INO80: variants seen among roughly 807,000 people sequenced by gnomAD.
The protein encoded by INO80 is INO80 complex ATPase subunit.
INO80 carries 20 observed loss-of-function variants against 203.4 expected under a neutral mutation model. The observed-to-expected ratio is 0.10, with a 90% CI of 0.07 to 0.14. The LOEUF (loss-of-function observed/expected upper bound fraction) is 0.14, where lower values mean the gene tolerates loss of function less well. Ranked by LOEUF, INO80 falls within the 10% of genes least tolerant of loss-of-function variation. INO80 has a pLI of 1.00. For synonymous variants in INO80, 726 were observed against 685.2 expected (o/e 1.06, Z -0.93); for missense variants, 1,419 against 1,914.4 (o/e 0.74, Z 4.83).
At chr15:41,064,190 C>A (rs2045168196) in intron 14 of INO80, among the ~76,000 whole-genome samples, 2 of 152,192 alleles carry the variant, frequency 1.3e-5, no homozygotes, top group Admixed American at 1.3e-4. Flanking sequence ...GGGCAGAATA[C>A]CTATAATTTT....
chr15:41,005,232 C>T (rs2044023643), intron 28 of INO80: 1 of 152,100 alleles, frequency 6.6e-6, no homozygotes, highest in Non-Finnish European at 1.4e-5. Context: ...GAAATGGCTA[C>T]TGTAAGCAAT....
chr15:41,043,425 A>T (rs1216480335), intron 24 of INO80, among the ~76,000 whole-genome samples: 1 of 152,194 alleles, frequency 6.6e-6, no homozygotes, highest in Non-Finnish European at 1.5e-5. Context: ...CACCACTGAC[A>T]GCATTACTCC....
rs1261698256 is a variant in INO80 at position 41,116,173 on chromosome 15, G to A, written c.-244C>T. 1 of 407,866 alleles carries A rather than the reference G, an allele frequency of 2.5e-6. No homozygotes were observed. Among genetic ancestry groups the A allele is most frequent in the Admixed American group, 4.4e-5 (1 of 22,780 alleles). 25.3% of individuals were successfully genotyped at this position (407,866 alleles called of 1,614,324 possible). On this transcript the variant is annotated 5_prime_UTR_variant, in exon 1 of 36. Transcript: ENST00000648947. ...GGGACCCCAAGATGGCGGCGGCGCTGAGGCGGCTGCGGGCGCTGGGCCGGC... is the reference window on the plus strand; with the variant it reads ...GGGACCCCAAGATGGCGGCGGCGCTAAGGCGGCTGCGGGCGCTGGGCCGGC...
rs746371828 is a variant in INO80 at position 40,982,914 on chromosome 15, A to C, written c.4401T>G (p.Ala1467=). 6 of 1,613,940 alleles carry C rather than the reference A, an allele frequency of 3.7e-6. No individual in the cohort carries two copies. Among genetic ancestry groups the C allele is most frequent in the Non-Finnish European group, 5.1e-6 (6 of 1,180,046 alleles). The change falls in exon 35 of 36, where the codon GCT becomes GCG. Residue 1467 remains alanine, a synonymous_variant. Coordinates refer to ENST00000648947, the MANE Select transcript of INO80 (RefSeq NM_017553.3). ...AAAMAGAKAG[A]AAASAAAYAA... is the part of the protein sequence containing the mutation. ...CATAGGCAGCTGCAGAGGCCGCTGC[A>C]GCCCCGGCTTTGGCTCCTGCCATTG... is the stretch of plus-strand genomic sequence containing the variant.
At position 41,038,837 on chromosome 15, in the gene INO80, G is replaced by A. The variant is rs182717033; in HGVS notation, c.2907+6067C>T. Among the ~76,000 whole-genome samples, 6 of 152,258 alleles carry A rather than the reference G, an allele frequency of 3.9e-5. No individual in the cohort carries two copies. In the East Asian group the frequency reaches 9.6e-4, roughly 24 times the overall value. ...AATACAAATAACAAAGATCCCAACT[G>A]GTTTGATATAATGACTCTGGTAATT... On this transcript the variant is annotated intron_variant, in intron 24 of 35. Transcript: ENST00000648947.
At chr15:40,999,997 C>T (rs1024829652) in intron 28 of INO80, among the ~76,000 whole-genome samples, 1 of 152,118 alleles carries the variant, frequency 6.6e-6, no homozygotes, top group Non-Finnish European at 1.5e-5. Flanking sequence ...ACCTGGGAGG[C>T]TGAGGCAGCA....
At chr15:41,063,559 A>G (rs987248772) in intron 14 of INO80, among the ~76,000 whole-genome samples, 3 of 152,118 alleles carry the variant, frequency 2.0e-5, no homozygotes, top group Non-Finnish European at 4.4e-5. Context: ...GGATCACTTG[A>G]GGTCAGGAGT....
chr15:41,066,245 T>C (rs2045211283), intron 14 of INO80, among the ~76,000 whole-genome samples: 1 of 152,098 alleles, frequency 6.6e-6, no homozygotes, highest in Admixed American at 6.6e-5. Flanking sequence ...TCCGAAGTGC[T>C]GGGATTACAG....
At chr15:41,031,963 G>GCACAGCACAGC (rs2044484748) in intron 24 of INO80, among the ~76,000 whole-genome samples, 5 of 49,294 alleles carry the variant, frequency 1.0e-4, no homozygotes, top group Non-Finnish European at 1.5e-4. Context: ...CACAGCACAG[G>GCACAGCACAGC]ACAGCACAGC....
chr15:40,985,306 A>G, intron 32 of INO80, 32 bp downstream of exon 32: 1 of 1,529,102 alleles, frequency 6.5e-7, no homozygotes, highest in Non-Finnish European at 9.1e-7. Flanking sequence ...AGGCCCCATT[A>G]GCCCCTATCC....
rs1447295548 is a variant in INO80, at chr15:40,979,007, G to C, written c.*1216C>G. 6.6e-6 allele frequency: 1 copy of C among 152,546 alleles called. No homozygotes were observed. The highest frequency in any genetic ancestry group is 1.5e-5 in the Non-Finnish European group (1 of 68,022). The allele number at this position is 152,546 out of a possible 1,614,324, so 9.4% of individuals were successfully genotyped here. A position where few individuals can be genotyped will look rare whatever the true frequency, so the allele number is the denominator to read the frequency against. Reference sequence around the variant, plus strand: ...AAAATAGCACATTCAAAGAGAAAAGGCTTGGCATTTTTCTGATTCCCTCTA... The same window carrying C: ...AAAATAGCACATTCAAAGAGAAAAGCCTTGGCATTTTTCTGATTCCCTCTA... On this transcript the variant is annotated 3_prime_UTR_variant, in exon 36 of 36. Coordinates refer to ENST00000648947, the MANE Select transcript of INO80 (RefSeq NM_017553.3).
intron 24 of INO80, among the ~76,000 whole-genome samples, chr15:41,031,952 GCACA>G (rs1234186321): frequency 2.7e-3 from 226 of 85,058 alleles, no homozygotes; most frequent in African/African-American, 7.0e-3. Context: ...GCACAGCACA[GCACA>G]GCACAGGACA....
intron 27 of INO80, among the ~76,000 whole-genome samples, chr15:41,008,250 CA>C (rs2044080512): frequency 2.0e-5 from 3 of 151,574 alleles, no homozygotes; most frequent in Non-Finnish European, 2.9e-5. Flanking sequence ...CACACACACA[CA>C]CACGAATATT....
chr15:41,067,613 C>A (rs913532984), intron 14 of INO80, among the ~76,000 whole-genome samples: 2 of 152,122 alleles, frequency 1.3e-5, no homozygotes, highest in Non-Finnish European at 2.9e-5. Context: ...AATTTAGCCA[C>A]AAAATGGGAC....
intron 13 of INO80, among the ~76,000 whole-genome samples, chr15:41,070,044 T>C (rs1386405076): frequency 6.6e-6 from 1 of 152,210 alleles, no homozygotes; most frequent in Non-Finnish European, 1.5e-5. Flanking sequence ...TTAATTCTTA[T>C]AAAATTCCTA....
At chr15:41,065,522 G>C (rs1011478308) in intron 14 of INO80, among the ~76,000 whole-genome samples, 1 of 152,038 alleles carries the variant, frequency 6.6e-6, no homozygotes, top group African/African-American at 2.4e-5. Context: ...TCTACTCATA[G>C]GTACATACCC....
chr15:40,982,309 T>C (rs546344620), intron 35 of INO80, among the ~76,000 whole-genome samples: 1 of 152,166 alleles, frequency 6.6e-6, no homozygotes, highest in African/African-American at 2.4e-5. Flanking sequence ...ACCACGCCCA[T>C]CTAATTTTTT....
intron 24 of INO80, among the ~76,000 whole-genome samples, chr15:41,035,821 CAAAAAAAAAAAA>C (rs71104768): frequency 5.5e-4 from 11 of 20,154 alleles, no homozygotes; most frequent in African/African-American, 9.9e-4. Context: ...GACTCTGTCT[CAAAAAAAAAAAA>C]AAAAAAAAAA....
intron 16 of INO80, among the ~76,000 whole-genome samples, chr15:41,057,137 G>C (rs2045000708): frequency 6.6e-6 from 1 of 152,158 alleles, no homozygotes. Flanking sequence ...AATGTAAAAT[G>C]AATCTTCATT....
Sources: allele counts gnomAD v4.1 joint callset (sites outside exome capture counted in the v4.1 genomes callset), GRCh38; gene constraint gnomAD v4.1.1; transcripts MANE v1.5; gene names NCBI Gene and HGNC (gene_info 2026-07-23, HGNC 2026-07-21).